ARHGAP10: variants seen among roughly 807,000 people sequenced by gnomAD.
ARHGAP10 encodes rho GTPase-activating protein 10.
In ARHGAP10, 87 loss-of-function variants were observed where a neutral mutation model predicts 108.6. The observed-to-expected ratio is 0.80, with a 90% CI of 0.67 to 0.96. ARHGAP10 has a LOEUF of 0.96. ARHGAP10 is among the 40% of genes least tolerant of loss of function. ARHGAP10 has a pLI of 0.00. For missense variants in ARHGAP10, 939 were observed against 954.5 expected (o/e 0.98, Z 0.21); for synonymous variants, 347 against 341.1 (o/e 1.02, Z -0.19).
chr4:147,765,966 CAGA>C (rs1729793369), intron 1 of ARHGAP10, among the ~76,000 whole-genome samples: 1 of 152,128 alleles, frequency 6.6e-6, no homozygotes, highest in East Asian at 1.9e-4. Context: ...CCCAAATCTG[CAGA>C]TGCTCTCAAG....
chr4:147,866,968 G>A (rs2126848084), intron 7 of ARHGAP10, 152 bp downstream of exon 7: 1 of 674,738 alleles, frequency 1.5e-6, no homozygotes, highest in Non-Finnish European at 2.4e-6. Context: ...TCAACTCTTG[G>A]TGTGACCAAC....
At position 147,827,754 on chromosome 4, in the gene ARHGAP10, G is replaced by A. The variant is rs1043994747; in HGVS notation, c.312+4797G>A. ...GAATGCAAAATGACTGTAAAATGGA[G>A]GTAGAAATAGTCTAAAATTGGTTCC... On this transcript the variant is annotated intron_variant, in intron 3 of 22. Coordinates refer to ENST00000336498, the MANE Select transcript of ARHGAP10 (RefSeq NM_024605.4). 2.6e-5 allele frequency among the ~76,000 whole-genome samples: 4 copies of A among 152,120 alleles called. No homozygotes were observed. The East Asian group carries it at 7.7e-4, about 29-fold the overall frequency.
rs528582631 is a variant in ARHGAP10, at chr4:148,014,848, C to G, written c.1717-8415C>G. Among the ~76,000 whole-genome samples the G allele has an allele frequency of 7.2e-5, 11 of 152,260 alleles. 1 individual carries two copies. The South Asian group carries it at 2.3e-3, about 32-fold the overall frequency. ...TTGGGAAAGGAGTCTAAAAATGTTTCCTGAAATAAAACATAAACAAAATTA... is the reference window on the plus strand; with the variant it reads ...TTGGGAAAGGAGTCTAAAAATGTTTGCTGAAATAAAACATAAACAAAATTA... On this transcript the variant is annotated intron_variant, in intron 18 of 22. Transcript: ENST00000336498.
intron 1 of ARHGAP10, among the ~76,000 whole-genome samples, chr4:147,750,668 C>T (rs987079973): frequency 6.6e-6 from 1 of 150,378 alleles, no homozygotes; most frequent in Non-Finnish European, 1.5e-5. Flanking sequence ...GTGGCGTGAT[C>T]TCAGCTCACT....
intron 19 of ARHGAP10, among the ~76,000 whole-genome samples, chr4:148,028,988 CA>C (rs1728008815): frequency 6.6e-6 from 1 of 152,098 alleles, no homozygotes; most frequent in South Asian, 2.1e-4. Flanking sequence ...ATCTTTCCAT[CA>C]AAAGGAAGGA....
intron 18 of ARHGAP10, among the ~76,000 whole-genome samples, chr4:147,981,795 A>G (rs1328067690): frequency 6.6e-6 from 1 of 152,160 alleles, no homozygotes; most frequent in East Asian, 1.9e-4. Flanking sequence ...TTAACCTTTT[A>G]TCATTATGTA....
chr4:147,947,733 G>A (rs1377011796), intron 15 of ARHGAP10, among the ~76,000 whole-genome samples: 1 of 151,866 alleles, frequency 6.6e-6, no homozygotes, highest in Non-Finnish European at 1.5e-5. Context: ...CCATACATAG[G>A]GTTGTTTTTC....
At position 147,732,466 on chromosome 4, in the gene ARHGAP10, A is replaced by G. The variant is rs1212360884; in HGVS notation, c.154+11A>G. On this transcript the variant is annotated intron_variant, in intron 1 of 22. Coordinates refer to ENST00000336498, the MANE Select transcript of ARHGAP10 (RefSeq NM_024605.4). The stretch of plus-strand genomic sequence containing the variant: ...TCGCTGCGACGAAAAGTAAGCGGGG[A>G]CGCGGGCGCGGACGGGCTGCGGCGT... The G allele has an allele frequency of 6.2e-7, 1 of 1,608,334 alleles. No homozygotes were observed. The highest frequency in any genetic ancestry group is 2.3e-5 in the East Asian group (1 of 44,392).
chr4:147,899,517 C>A (rs751384835), intron 10 of ARHGAP10, among the ~76,000 whole-genome samples: 1 of 152,142 alleles, frequency 6.6e-6, no homozygotes. Flanking sequence ...ATGATGTTCT[C>A]TGATAATTTT....
chr4:147,907,082 G>A (rs967725545), intron 11 of ARHGAP10, among the ~76,000 whole-genome samples: 8 of 152,170 alleles, frequency 5.3e-5, no homozygotes, highest in African/African-American at 1.9e-4. Flanking sequence ...CAGGAAATGT[G>A]AGATAGTGCA....
intron 13 of ARHGAP10, among the ~76,000 whole-genome samples, chr4:147,928,469 A>G (rs1049695766): frequency 2.0e-5 from 3 of 152,194 alleles, no homozygotes; most frequent in South Asian, 2.1e-4. Context: ...TGGGGAGGCT[A>G]ATCATCACAA....
chr4:148,013,120 G>GC (rs367875587), intron 18 of ARHGAP10, among the ~76,000 whole-genome samples: 207 of 152,190 alleles, frequency 1.4e-3, no homozygotes, highest in African/African-American at 4.5e-3. Flanking sequence ...ATACTAATCT[G>GC]CCCCCCACCT....
chr4:148,001,862 G>A (rs543716658), intron 18 of ARHGAP10, among the ~76,000 whole-genome samples: 2 of 152,302 alleles, frequency 1.3e-5, no homozygotes, highest in Admixed American at 6.5e-5. Flanking sequence ...TCTGCAAACA[G>A]GGACAATTTG....
At chr4:148,056,836 G>C in intron 20 of ARHGAP10, among the ~76,000 whole-genome samples, 1 of 152,140 alleles carries the variant, frequency 6.6e-6, no homozygotes, top group East Asian at 1.9e-4. Context: ...TAAATGGTTA[G>C]TGATGATATA....
chr4:147,942,579 C>T (rs1402152243), intron 14 of ARHGAP10, among the ~76,000 whole-genome samples: 2 of 152,156 alleles, frequency 1.3e-5, no homozygotes, highest in Non-Finnish European at 2.9e-5. Flanking sequence ...CTATCCTTCT[C>T]TCCGTCCTCC....
chr4:147,816,193 T>G (rs1732239935), intron 1 of ARHGAP10, among the ~76,000 whole-genome samples: 1 of 152,192 alleles, frequency 6.6e-6, no homozygotes. Flanking sequence ...CAGTAGTTTC[T>G]CAGCATTTGT....
chr4:147,783,614 T>C (rs1730661425), intron 1 of ARHGAP10, among the ~76,000 whole-genome samples: 1 of 147,252 alleles, frequency 6.8e-6, no homozygotes, highest in African/African-American at 2.5e-5. Context: ...TATTGTATAA[T>C]TTATAGAACA....
chr4:147,961,469 T>G (rs533805001), intron 16 of ARHGAP10, among the ~76,000 whole-genome samples: 8 of 152,320 alleles, frequency 5.3e-5, no homozygotes, highest in African/African-American at 1.7e-4. Flanking sequence ...ATTTCAGATA[T>G]TTAGTACTTT....
chr4:148,014,389 G>GT (rs1741275485), intron 18 of ARHGAP10, among the ~76,000 whole-genome samples: 1 of 152,170 alleles, frequency 6.6e-6, no homozygotes, highest in Non-Finnish European at 1.5e-5. Context: ...CACCTGGAGT[G>GT]TTTTTAAAGG....
Sources: allele counts gnomAD v4.1 joint callset (sites outside exome capture counted in the v4.1 genomes callset), GRCh38; gene constraint gnomAD v4.1.1; transcripts MANE v1.5; gene names NCBI Gene and HGNC (gene_info 2026-07-23, HGNC 2026-07-21).